WDR27: variants seen among roughly 807,000 people sequenced by gnomAD.
WDR27 encodes WD repeat domain 27, also known as WD repeat-containing protein 27.
In WDR27, 100 loss-of-function variants were observed where a neutral mutation model predicts 114.4. That is an observed-to-expected ratio of 0.87 (90% CI 0.74 to 1.03). The LOEUF is 1.03. WDR27 is among the 50% of genes least tolerant of loss of function. The pLI is 0.00. For missense variants in WDR27, 1,129 were observed against 1,092.9 expected (o/e 1.03, Z -0.47); for synonymous variants, 449 against 423.1 (o/e 1.06, Z -0.75).
chr6:169,667,424 T>G (rs764754947), intron 5 of WDR27: 35 of 1,228,070 alleles, frequency 2.9e-5, no homozygotes, highest in Non-Finnish European at 3.5e-5. Context: ...ATTTGAAGAA[T>G]TGGAAACAAA....
At chr6:169,503,252 T>C (rs1299675166) in intron 25 of WDR27, among the ~76,000 whole-genome samples, 1 of 152,198 alleles carries the variant, frequency 6.6e-6, no homozygotes, top group African/African-American at 2.4e-5. Flanking sequence ...CTAATTAACA[T>C]GACAGGGTCA....
At chr6:169,612,135 C>CA (rs1206222549) in intron 22 of WDR27, among the ~76,000 whole-genome samples, 4 of 150,890 alleles carry the variant, frequency 2.7e-5, no homozygotes, top group Non-Finnish European at 4.4e-5. Context: ...GACTCCATCT[C>CA]AAAAAAACCA....
chr6:169,590,492 AAGAC>A (rs912072461), intron 23 of WDR27, among the ~76,000 whole-genome samples: 3 of 152,376 alleles, frequency 2.0e-5, no homozygotes, highest in South Asian at 2.1e-4. Flanking sequence ...AAGTCACACT[AAGAC>A]AGAAGCCTTG....
At chr6:169,538,510 T>G (rs1365581981) in intron 25 of WDR27, among the ~76,000 whole-genome samples, 1 of 152,134 alleles carries the variant, frequency 6.6e-6, no homozygotes, top group Admixed American at 6.5e-5. Context: ...TAAAATGAAA[T>G]TCTTTAAGTC....
At chr6:169,469,753 G>T (rs1346032128) in intron 25 of WDR27, among the ~76,000 whole-genome samples, 2 of 152,130 alleles carry the variant, frequency 1.3e-5, no homozygotes, top group African/African-American at 2.4e-5. Flanking sequence ...CCTTCATTCT[G>T]TTCCTCCTCT....
intron 24 of WDR27, among the ~76,000 whole-genome samples, chr6:169,573,459 A>G (rs1801773504): frequency 6.6e-6 from 1 of 152,212 alleles, no homozygotes; most frequent in African/African-American, 2.4e-5. Context: ...ACTCGGATCA[A>G]AAATACAGCC....
intron 25 of WDR27, among the ~76,000 whole-genome samples, chr6:169,522,741 G>A (rs1794529876): frequency 6.6e-6 from 1 of 151,554 alleles, no homozygotes; most frequent in Non-Finnish European, 1.5e-5. Context: ...AATAAATTAA[G>A]AAGAAAATTT....
chr6:169,682,941 G>A (rs910779822), intron 2 of WDR27, among the ~76,000 whole-genome samples: 12 of 152,054 alleles, frequency 7.9e-5, no homozygotes, highest in Admixed American at 2.6e-4. Context: ...GCAATAGATA[G>A]CATCAACCAC....
chr6:169,589,689 T>C (rs1584429044), intron 23 of WDR27, among the ~76,000 whole-genome samples: 1 of 152,034 alleles, frequency 6.6e-6, no homozygotes, highest in Admixed American at 6.5e-5. Flanking sequence ...GATAGGCAGG[T>C]TTCTTATGCT....
intron 1 of WDR27, among the ~76,000 whole-genome samples, chr6:169,694,271 G>A (rs1216102689): frequency 6.6e-6 from 1 of 152,108 alleles, no homozygotes; most frequent in Non-Finnish European, 1.5e-5. Context: ...AGATTGCGCT[G>A]TTGCATTCCA....
At position 169,663,283 on chromosome 6, in the gene WDR27, C is replaced by A. The variant is rs968906914; in HGVS notation, c.905-859G>T. Among the ~76,000 whole-genome samples, 48 of 151,916 alleles carry A rather than the reference C, an allele frequency of 3.2e-4. 1 individual carries two copies. Among genetic ancestry groups the A allele is most frequent in the African/African-American group, 1.1e-3 (47 of 41,298 alleles). On this transcript the variant is annotated intron_variant, in intron 8 of 25. Transcript: ENST00000448612. The stretch of plus-strand genomic sequence containing the variant: ...TAACAAAAACCAAGGTTTAAAACAT[C>A]AGGAAAAAATTGGTATACTGGATAA...
intron 25 of WDR27, among the ~76,000 whole-genome samples, chr6:169,535,579 G>A (rs766483669): frequency 4.6e-5 from 7 of 152,138 alleles, no homozygotes; most frequent in Non-Finnish European, 7.4e-5. Context: ...ATATGTTCCA[G>A]TAGTTCACCT....
intron 14 of WDR27, among the ~76,000 whole-genome samples, chr6:169,651,178 C>CGGGGGGGGGGGGGGGGGGGGGGGGGGGG (rs200606067): frequency 2.9e-4 from 1 of 3,394 alleles, no homozygotes; most frequent in African/African-American, 2.1e-3. Flanking sequence ...CACAGCAGTG[C>CGGGGGGGGGGGGGGGGGGGGGGGGGGGG]GGGGCGGGGG....
intron 25 of WDR27, among the ~76,000 whole-genome samples, chr6:169,487,594 G>A (rs1031221421): frequency 3.9e-5 from 6 of 152,174 alleles, no homozygotes; most frequent in South Asian, 2.1e-4. Context: ...AGTGAGCCAT[G>A]AGCCTCCCTC....
At chr6:169,443,216 C>T in the WDR27 span, among the ~76,000 whole-genome samples, 5 of 152,168 alleles carry the variant, frequency 3.3e-5, no homozygotes, top group African/African-American at 4.8e-5. Context: ...AGAATGGATG[C>T]GTGGACAGCA....
At chr6:169,643,659 C>T in intron 17 of WDR27, 38 bp downstream of exon 17, 1 of 1,576,096 alleles carries the variant, frequency 6.3e-7, no homozygotes, top group South Asian at 1.1e-5. Context: ...GAGACCCATC[C>T]TTAAGTTCAT....
the WDR27 span, among the ~76,000 whole-genome samples, chr6:169,441,215 C>T: frequency 1.3e-5 from 2 of 152,166 alleles, no homozygotes; most frequent in Admixed American, 6.5e-5. Flanking sequence ...TACTCAAATG[C>T]GGTCTGGGTC....
Position 169,552,973 on chromosome 6 carries a change from GGTGTGTGTGTGTGTGTGTGT to G in WDR27, c.2645+19426_2645+19445del, listed in dbSNP as rs3975497. 2.0e-3 allele frequency among the ~76,000 whole-genome samples: 125 copies of G among 61,800 alleles called. 1 individual carries two copies. Among genetic ancestry groups the G allele is most frequent in the South Asian group, 3.9e-3 (8 of 2,032 alleles). The allele number at this position is 61,800 out of a possible 152,430, so 40.5% of individuals were successfully genotyped here. ...TGTGCTGTTTGGGGAGGGCCTGCCC[GGTGTGTGTGTGTGTGTGTGT>G]GTGTGTGTGTGTGTGTGTGTGTGTG... On this transcript the variant is annotated intron_variant, in intron 25 of 25. Transcript: ENST00000448612.
chr6:169,698,943 G>T (rs1253714445), intron 1 of WDR27, among the ~76,000 whole-genome samples: 3 of 152,246 alleles, frequency 2.0e-5, no homozygotes, highest in Non-Finnish European at 4.4e-5. Flanking sequence ...GTACCTTGAA[G>T]CAGGATGCTT....
Sources: allele counts gnomAD v4.1 joint callset (sites outside exome capture counted in the v4.1 genomes callset), GRCh38; gene constraint gnomAD v4.1.1; transcripts MANE v1.5; gene names NCBI Gene and HGNC (gene_info 2026-07-23, HGNC 2026-07-21).